Variants in SNRPN observed in about 807,000 individuals in gnomAD.
SNRPN encodes the protein small nuclear ribonucleoprotein polypeptide N.
In SNRPN, 7 loss-of-function variants were observed where a neutral mutation model predicts 25.2. The observed-to-expected ratio is 0.28, with a 90% confidence interval of 0.16 to 0.52. The LOEUF (loss-of-function observed/expected upper bound fraction) is 0.52, where lower values mean the gene tolerates loss of function less well. SNRPN is among the 20% of genes least tolerant of loss of function. The pLI is 0.96. For synonymous variants in SNRPN, 124 were observed against 110.6 expected (o/e 1.12, Z -0.76); for missense variants, 196 against 322.5 (o/e 0.61, Z 3.00).
intron 1 of SNRPN, chr15:24,886,405 C>T (rs1264728151): frequency 6.6e-6 from 1 of 152,244 alleles, no homozygotes; most frequent in East Asian, 1.9e-4. Flanking sequence ...CTCTCTCCCA[C>T]ACTGCAAGGC....
upstream of SNRPN, among the ~76,000 whole-genome samples, chr15:24,952,045 A>G (rs1040351114): frequency 2.0e-5 from 3 of 149,464 alleles, no homozygotes; most frequent in Non-Finnish European, 1.5e-5. Flanking sequence ...TTATATATAT[A>G]CACACATATA....
chr15:24,918,342 A>ATATATAACATAATATATATGTG (rs2059671020), intron 2 of SNRPN, among the ~76,000 whole-genome samples: 1 of 47,098 alleles, frequency 2.1e-5, no homozygotes. Flanking sequence ...ATATATGTGT[A>ATATATAACATAATATATATGTG]TATATATATA....
intron 1 of SNRPN, among the ~76,000 whole-genome samples, chr15:24,878,402 C>G (rs80218938): frequency 1.3e-5 from 2 of 152,306 alleles, no homozygotes; most frequent in Admixed American, 1.3e-4. Context: ...AACGGCAGCC[C>G]GCAGGGGCCG....
intron 2 of SNRPN, among the ~76,000 whole-genome samples, chr15:24,844,866 A>G (rs1378605560): frequency 2.6e-5 from 4 of 152,106 alleles, no homozygotes; most frequent in African/African-American, 9.7e-5. Context: ...TTTATTCCCT[A>G]CCATTATATA....
intron 2 of SNRPN, among the ~76,000 whole-genome samples, chr15:24,897,872 C>T (rs930981591): frequency 2.0e-5 from 3 of 152,124 alleles, no homozygotes; most frequent in African/African-American, 7.2e-5. Context: ...AAACCTCTTT[C>T]TTTATAAATT....
chr15:24,904,752 T>C (rs8036057), intron 2 of SNRPN, among the ~76,000 whole-genome samples: 54 of 151,898 alleles, frequency 3.6e-4, no homozygotes, highest in African/African-American at 1.2e-3. Context: ...TCACTTGAGA[T>C]CAGGAGTTCA....
chr15:24,870,164 A>G (rs1474929515), intron 1 of SNRPN, among the ~76,000 whole-genome samples: 13 of 152,240 alleles, frequency 8.5e-5, no homozygotes, highest in Non-Finnish European at 1.8e-4. Flanking sequence ...AGGGTCCTCC[A>G]GGCCAATTGT....
At chr15:24,865,541 G>A (rs2054499641) in intron 1 of SNRPN, among the ~76,000 whole-genome samples, 1 of 152,154 alleles carries the variant, frequency 6.6e-6, no homozygotes, top group African/African-American at 2.4e-5. Context: ...TTGGAACAGA[G>A]GCTGGAGTTA....
At chr15:24,969,596 A>C (rs1458047830) in intron 3 of SNRPN, among the ~76,000 whole-genome samples, 1 of 151,474 alleles carries the variant, frequency 6.6e-6, no homozygotes, top group South Asian at 2.1e-4. Context: ...GGTGTGCACA[A>C]CTGATTTTTT....
intron 3 of SNRPN, among the ~76,000 whole-genome samples, chr15:24,933,332 G>C (rs558330321): frequency 1.4e-5 from 2 of 141,290 alleles, no homozygotes; most frequent in African/African-American, 5.0e-5. Context: ...CTGGAGGGCG[G>C]CTGGTTTAAA....
chr15:24,875,123 G>A (rs59469256), intron 1 of SNRPN, among the ~76,000 whole-genome samples: 17,557 of 152,118 alleles, frequency 0.12, 1,320 homozygotes, highest in East Asian at 0.36. Context: ...AGAAAACACT[G>A]TATGAGAAAA....
At chr15:24,962,666 A>G (rs2075018688) in intron 2 of SNRPN, among the ~76,000 whole-genome samples, 1 of 152,190 alleles carries the variant, frequency 6.6e-6, no homozygotes, top group Non-Finnish European at 1.5e-5. Flanking sequence ...TTAAGTATAT[A>G]TATGTGGAAT....
chr15:24,826,416 T>C (rs1226235123), intron 1 of SNRPN, among the ~76,000 whole-genome samples: 1 of 152,116 alleles, frequency 6.6e-6, no homozygotes, highest in Non-Finnish European at 1.5e-5. Context: ...ATTCCTCAGG[T>C]ATCACTGTGC....
At chr15:24,954,815 G>T (rs1233580443), upstream of SNRPN, 36 of 603,994 alleles carry the variant, frequency 6.0e-5, no homozygotes, top group East Asian at 9.2e-4. Context: ...ACAGTGCTGT[G>T]GGGCCCTAGG....
chr15:24,834,578 A>C (rs2050847156), intron 2 of SNRPN, among the ~76,000 whole-genome samples: 1 of 151,608 alleles, frequency 6.6e-6, no homozygotes, highest in Admixed American at 6.6e-5. Flanking sequence ...AAAAAGTGTA[A>C]AAATCTAGCT....
chr15:24,853,255 C>T (rs1308679900), upstream of SNRPN, among the ~76,000 whole-genome samples: 3 of 152,130 alleles, frequency 2.0e-5, no homozygotes, highest in African/African-American at 7.2e-5. Flanking sequence ...CACTTAATGT[C>T]CATTTTTTGA....
chr15:24,831,148 A>AT (rs2050483487), intron 2 of SNRPN, among the ~76,000 whole-genome samples: 1 of 151,756 alleles, frequency 6.6e-6, no homozygotes, highest in Admixed American at 6.6e-5. Flanking sequence ...GGATCATTAT[A>AT]TTTTCTTGGA....
At chr15:24,864,455 T>A (rs150385205) in intron 1 of SNRPN, among the ~76,000 whole-genome samples, 11 of 149,510 alleles carry the variant, frequency 7.4e-5, no homozygotes, top group African/African-American at 2.5e-4. Context: ...GCGATTCTCC[T>A]GCCTTAGCCT....
intron 1 of SNRPN, among the ~76,000 whole-genome samples, chr15:24,825,063 G>A (rs1306210060): frequency 6.6e-6 from 1 of 152,026 alleles, no homozygotes; most frequent in Admixed American, 6.6e-5. Flanking sequence ...AGATACATGA[G>A]ATGTGAAAAA....
Sources: gnomAD v4.1 joint callset for allele counts (sites outside exome capture counted in the v4.1 genomes callset) on GRCh38, gnomAD v4.1.1 for gene constraint, MANE v1.5 for transcripts, NCBI Gene and HGNC (gene_info 2026-07-23, HGNC 2026-07-21) for gene names.